KANK4: variants seen among roughly 807,000 people sequenced by gnomAD.
The protein encoded by KANK4 is KN motif and ankyrin repeat domains 4.
In KANK4, 50 loss-of-function variants were observed where a neutral mutation model predicts 80.8. The observed-to-expected ratio is 0.62, with a 90% confidence interval of 0.49 to 0.78. The LOEUF is 0.78. Ranked by LOEUF, KANK4 falls within the 30% of genes least tolerant of loss-of-function variation. The pLI, the probability that KANK4 is intolerant of heterozygous loss-of-function variation, is 0.00. For synonymous variants in KANK4, 465 were observed against 506.9 expected (o/e 0.92, Z 1.11); for missense variants, 1,196 against 1,240.1 (o/e 0.96, Z 0.53).
rs550935056 is a variant in KANK4 at position 62,311,653 on chromosome 1, G to A, written c.-71+7453C>T. Among the ~76,000 whole-genome samples, 7 of 152,136 alleles carry A rather than the reference G, an allele frequency of 4.6e-5. No homozygotes were observed. The South Asian group carries it at 6.2e-4, about 14-fold the overall frequency. ...GTCTACACAAACTCCTTAACCTCTC[G>A]GGATCATCATTGCGCGCTAGGTGGT... On this transcript the variant is annotated intron_variant, in intron 1 of 9. Coordinates refer to ENST00000371153, the MANE Select transcript of KANK4 (RefSeq NM_181712.5).
chr1:62,274,640 C>A lies in KANK4; in HGVS notation c.464G>T (p.Gly155Val). The A allele has an allele frequency of 6.2e-7, 1 of 1,614,174 alleles. No individual in the cohort carries two copies. Among genetic ancestry groups the A allele is most frequent in the Non-Finnish European group, 8.5e-7 (1 of 1,180,028 alleles). ...PEDAELTFGS[G>V]RPQLLRASSM... ...GGATGCTCTCAAGAGCTGGGGCCGT[C>A]CACTCCCAAAAGTGAGCTCGGCATC... Residue 155 changes from glycine to valine, a missense_variant, in exon 3 of 10, where the codon GGA (glycine) becomes GTA (valine). Coordinates refer to ENST00000371153, the MANE Select transcript of KANK4 (RefSeq NM_181712.5).
At chr1:62,309,863 C>T (rs1212876763) in intron 1 of KANK4, among the ~76,000 whole-genome samples, 7 of 152,154 alleles carry the variant, frequency 4.6e-5, no homozygotes, top group South Asian at 2.1e-4. Flanking sequence ...GGTTCAAAAG[C>T]GGGGAATTTC....
At chr1:62,269,034 C>T (rs1440722581) in intron 4 of KANK4, among the ~76,000 whole-genome samples, 1 of 152,240 alleles carries the variant, frequency 6.6e-6, no homozygotes, top group African/African-American at 2.4e-5. Context: ...ATGAACTCCT[C>T]CACACCTACA....
intron 9 of KANK4, among the ~76,000 whole-genome samples, chr1:62,241,324 TAGA>T (rs568839843): frequency 1.1e-4 from 17 of 151,896 alleles, no homozygotes; most frequent in Non-Finnish European, 2.4e-4. Flanking sequence ...CAGGGCGGGG[TAGA>T]AGATGGCTCG....
intron 1 of KANK4, among the ~76,000 whole-genome samples, chr1:62,301,996 GTAA>G (rs1243226316): frequency 6.6e-6 from 1 of 152,044 alleles, no homozygotes; most frequent in Non-Finnish European, 1.5e-5. Context: ...TGGGGAACAG[GTAA>G]GAAGGAAGAG....
At position 62,268,474 on chromosome 1, in the gene KANK4, C is replaced by T. The variant is rs140407819; in HGVS notation, c.2044G>A (p.Gly682Ser). ...YETTSSEETSGEDSTPEDLSD... is the reference protein window; with the variant it reads ...YETTSSEETSSEDSTPEDLSD... Reference sequence around the variant, plus strand: ...AAGTCCTCTGGGGTGCTGTCCTCACCGCTGGTCTCCTCACTTGAGGTGGTC... The same window carrying T: ...AAGTCCTCTGGGGTGCTGTCCTCACTGCTGGTCTCCTCACTTGAGGTGGTC... The change falls in exon 5 of 10, where the codon GGT becomes AGT. Residue 682 changes from glycine to serine, a missense_variant. By Grantham distance (56) the Gly-to-Ser change is moderately conservative. Around this residue, in one of 3 missense-constraint regions of KANK4, gnomAD observed 1,154 missense variants for 1,179.6 expected, o/e 0.98. Coordinates refer to ENST00000371153, the MANE Select transcript of KANK4 (RefSeq NM_181712.5). 264 of 1,613,632 alleles carry T rather than the reference C, an allele frequency of 1.6e-4. 1 individual carries two copies. Among genetic ancestry groups the T allele is most frequent in the Non-Finnish European group, 2.1e-4 (243 of 1,180,014 alleles).
Position 62,274,101 on chromosome 1 carries a change from C to A in KANK4, c.1003G>T (p.Ala335Ser). Residue 335 changes from alanine to serine, a missense_variant, in exon 3 of 10, where the codon GCC (alanine) becomes TCC (serine). Physicochemically the swap from Ala to Ser is moderately conservative, Grantham distance 99. Coordinates refer to ENST00000371153, the MANE Select transcript of KANK4 (RefSeq NM_181712.5). ...IRVTEESLGLARVDPGSISSL... is the reference protein window; with the variant it reads ...IRVTEESLGLSRVDPGSISSL... Reference sequence around the variant, plus strand: ...GAGATGCTGCCTGGATCCACCCTGGCAAGGCCCAGGCTTTCCTCAGTTACC... The same window carrying A: ...GAGATGCTGCCTGGATCCACCCTGGAAAGGCCCAGGCTTTCCTCAGTTACC... 1.2e-6 allele frequency: 2 copies of A among 1,614,082 alleles called. No homozygotes were observed. The highest frequency in any genetic ancestry group is 2.2e-5 in the East Asian group (1 of 44,884).
intron 1 of KANK4, among the ~76,000 whole-genome samples, chr1:62,308,882 G>A (rs1250584247): frequency 2.6e-5 from 4 of 152,184 alleles, no homozygotes; most frequent in African/African-American, 9.6e-5. Context: ...AGCAGCTGGG[G>A]TGGAGGAGCA....
intron 1 of KANK4, among the ~76,000 whole-genome samples, chr1:62,307,339 G>A (rs186738726): frequency 3.3e-5 from 5 of 151,974 alleles, no homozygotes; most frequent in East Asian, 1.9e-4. Flanking sequence ...AAAATTAGCC[G>A]GACGTCGTGG....
intron 7 of KANK4, among the ~76,000 whole-genome samples, chr1:62,255,164 C>T (rs984485060): frequency 1.3e-5 from 2 of 152,130 alleles, no homozygotes; most frequent in Admixed American, 6.6e-5. Flanking sequence ...GGATTACAGG[C>T]ATGAGCCACG....
At chr1:62,253,409 C>CTTTTTTTTTTTTTTTTT (rs34488630) in intron 7 of KANK4, among the ~76,000 whole-genome samples, 200 bp from the exon 8 acceptor site, 2 of 110,980 alleles carry the variant, frequency 1.8e-5, no homozygotes, top group African/African-American at 3.4e-5. Flanking sequence ...TTCTTTCTTT[C>CTTTTTTTTTTTTTTTTT]TTTTTTTTTT....
At chr1:62,315,275 G>A (rs1644529845) in intron 1 of KANK4, among the ~76,000 whole-genome samples, 1 of 152,160 alleles carries the variant, frequency 6.6e-6, no homozygotes, top group South Asian at 2.1e-4. Context: ...CTCTACTACA[G>A]TGTAGCACAA....
In KANK4 at chr1:62,319,322, C is replaced by G. The variant is rs1333434302; in HGVS notation, c.-287G>C. ...GTCTCGGCCCTGGCCCCGGCGCACC[C>G]CTGCGGGCACACCCACCGCGGCGGA... On this transcript the variant is annotated 5_prime_UTR_variant, in exon 1 of 10. Transcript: ENST00000371153. 1 of 151,950 alleles carries G rather than the reference C, an allele frequency of 6.6e-6. No homozygotes were observed. Among genetic ancestry groups the G allele is most frequent in the Non-Finnish European group, 1.5e-5 (1 of 67,978 alleles). The allele number at this position is 151,950 out of a possible 1,614,324, so 9.4% of individuals were successfully genotyped here.
At chr1:62,301,995 G>A (rs1218496195) in intron 1 of KANK4, among the ~76,000 whole-genome samples, 1 of 152,042 alleles carries the variant, frequency 6.6e-6, no homozygotes, top group African/African-American at 2.4e-5. Context: ...ATGGGGAACA[G>A]GTAAGAAGGA....
At chr1:62,267,284 CAG>C (rs973676794) in intron 5 of KANK4, among the ~76,000 whole-genome samples, 6 of 146,802 alleles carry the variant, frequency 4.1e-5, no homozygotes, top group African/African-American at 1.5e-4. Flanking sequence ...TAAGTACTAA[CAG>C]AGTCAGTAAT....
intron 2 of KANK4, 37 bp from the exon 3 acceptor site, chr1:62,275,124 A>C: frequency 6.7e-7 from 1 of 1,498,322 alleles, no homozygotes; most frequent in Non-Finnish European, 9.0e-7. Context: ...AAAAAAGCAC[A>C]AATTTAATTA....
chr1:62,238,343 G>A lies in KANK4; in HGVS notation c.2922C>T (p.Pro974=), dbSNP rs1557461837. The change falls in exon 10 of 10, where the codon CCC becomes CCT. Residue 974 remains proline (P), a synonymous_variant. Coordinates refer to ENST00000371153, the MANE Select transcript of KANK4 (RefSeq NM_181712.5). ...RTALSIALKS[P]THMEIAGLLR... Reference sequence around the variant, plus strand: ...GAAGCCCAGCAATTTCCATATGGGTGGGTGACTTCAGAGCGATGGACAAAG... The same window carrying A: ...GAAGCCCAGCAATTTCCATATGGGTAGGTGACTTCAGAGCGATGGACAAAG... The A allele has an allele frequency of 6.2e-7, 1 of 1,614,058 alleles. No individual in the cohort carries two copies. The highest frequency in any genetic ancestry group is 1.1e-5 in the South Asian group (1 of 91,068).
intron 1 of KANK4, among the ~76,000 whole-genome samples, chr1:62,295,853 T>A (rs1644359151): frequency 6.6e-6 from 1 of 152,236 alleles, no homozygotes; most frequent in Non-Finnish European, 1.5e-5. Context: ...AGAGAACTGC[T>A]CATACTTCTG....
chr1:62,266,453 C>T (rs1672021655), intron 6 of KANK4, among the ~76,000 whole-genome samples: 2 of 151,860 alleles, frequency 1.3e-5, no homozygotes, highest in African/African-American at 2.4e-5. Flanking sequence ...CACTGCCTCA[C>T]ACTGCATGCT....
Sources: gnomAD v4.1 joint callset for allele counts (sites outside exome capture counted in the v4.1 genomes callset) on GRCh38, gnomAD v4.1.1 for gene constraint, gnomAD v4.1.1 regional missense constraint, MANE v1.5 for transcripts, NCBI Gene and HGNC (gene_info 2026-07-23, HGNC 2026-07-21) for gene names.